Variants in CSMD1 observed in about 807,000 individuals in gnomAD.
CSMD1 encodes the protein CUB and sushi domain-containing protein 1.
A neutral mutation model predicts 417.5 loss-of-function variants in CSMD1; 213 were observed. The ratio of observed to expected loss-of-function variants is 0.51; its 90% CI spans 0.46 to 0.57. The LOEUF (loss-of-function observed/expected upper bound fraction) is 0.57. Ranked by LOEUF, CSMD1 falls within the 20% of genes least tolerant of loss-of-function variation. CSMD1 has a pLI of 0.00. For missense variants in CSMD1, 6,923 were observed against 4,529.7 expected, an observed-to-expected ratio of 1.53 and a Z score of -15.17; for synonymous variants, 2,862 against 1,736.8, an observed-to-expected ratio of 1.65 and a Z score of -16.11.
chr8:4,940,497 C>T (rs1235231131), intron 1 of CSMD1, among the ~76,000 whole-genome samples: 2 of 152,180 alleles, frequency 1.3e-5, no homozygotes, highest in Admixed American at 6.5e-5. Flanking sequence ...ACTTTGTTTG[C>T]TAACCTAGGC....
chr8:4,608,550 C>T (rs930145567), intron 2 of CSMD1, among the ~76,000 whole-genome samples: 1 of 152,172 alleles, frequency 6.6e-6, no homozygotes, highest in Non-Finnish European at 1.5e-5. Flanking sequence ...CTGTCATTAA[C>T]AATTATTCTG....
chr8:4,916,615 G>A (rs186269335), intron 1 of CSMD1, among the ~76,000 whole-genome samples: 2 of 152,118 alleles, frequency 1.3e-5, no homozygotes, highest in East Asian at 3.9e-4. Context: ...TCCTACTTGG[G>A]GAAACTCTGT....
intron 3 of CSMD1, among the ~76,000 whole-genome samples, chr8:4,053,135 G>T (rs914452745): frequency 6.6e-5 from 10 of 152,140 alleles, no homozygotes; most frequent in Non-Finnish European, 1.5e-4. Flanking sequence ...GCTTCTCCAT[G>T]GGTGCAGTGT....
At chr8:3,813,122 G>C (rs1243094470) in intron 5 of CSMD1, among the ~76,000 whole-genome samples, 1 of 139,678 alleles carries the variant, frequency 7.2e-6, no homozygotes, top group Non-Finnish European at 1.5e-5. Flanking sequence ...ACTAGATGAA[G>C]ACTTTCACAT....
intron 7 of CSMD1, among the ~76,000 whole-genome samples, chr8:3,694,869 T>C (rs77405284): frequency 0.013 from 1,988 of 152,076 alleles, 27 homozygotes; most frequent in Non-Finnish European, 0.016. Flanking sequence ...CTAAAGACCA[T>C]AGAAACCTGC....
At chr8:3,885,925 A>G (rs1376335386) in intron 5 of CSMD1, among the ~76,000 whole-genome samples, 1 of 152,192 alleles carries the variant, frequency 6.6e-6, no homozygotes, top group Non-Finnish European at 1.5e-5. Flanking sequence ...GAATAAATAT[A>G]AATTGTTAAA....
rs143064953 is a variant in CSMD1 at position 3,734,128 on chromosome 8, G to C, written c.931+19802C>G. Among the ~76,000 whole-genome samples, 7 of 152,206 alleles carry C rather than the reference G, an allele frequency of 4.6e-5. No homozygotes were observed. The East Asian group carries it at 1.4e-3, about 29-fold the overall frequency. On this transcript the variant is annotated intron_variant, in intron 6 of 69. Transcript: ENST00000635120. The stretch of plus-strand genomic sequence containing the variant: ...ATGTGCTAAATTAATACTTAATAAA[G>C]ATATTTAATTATTTAAGGATACTAC...
intron 1 of CSMD1, among the ~76,000 whole-genome samples, chr8:4,943,953 G>A (rs942246410): frequency 5.9e-5 from 9 of 152,134 alleles, no homozygotes; most frequent in African/African-American, 2.2e-4. Context: ...GACAGAAAAT[G>A]TATTAAGGGA....
At chr8:3,121,050 T>C (rs566385625) in intron 41 of CSMD1, among the ~76,000 whole-genome samples, 1 of 151,948 alleles carries the variant, frequency 6.6e-6, no homozygotes, top group Non-Finnish European at 1.5e-5. Flanking sequence ...TTAAAGATGT[T>C]CATTGCAGCA....
intron 10 of CSMD1, among the ~76,000 whole-genome samples, chr8:3,495,866 G>C (rs1796341970): frequency 6.6e-6 from 1 of 152,090 alleles, no homozygotes; most frequent in South Asian, 2.1e-4. Context: ...AGCTGTCCTG[G>C]AGCTGGATGC....
At chr8:4,425,433 A>C (rs551163977) in intron 2 of CSMD1, among the ~76,000 whole-genome samples, 9 of 151,724 alleles carry the variant, frequency 5.9e-5, no homozygotes, top group Non-Finnish European at 8.8e-5. Context: ...ATGCGGAAGG[A>C]TGAGTGGATC....
At chr8:4,221,054 A>T (rs1220474195) in intron 3 of CSMD1, among the ~76,000 whole-genome samples, 1 of 152,180 alleles carries the variant, frequency 6.6e-6, no homozygotes, top group Non-Finnish European at 1.5e-5. Context: ...CCATGAGCGA[A>T]AAACCCAAAC....
At chr8:4,452,193 T>G (rs1453385230) in intron 2 of CSMD1, among the ~76,000 whole-genome samples, 3 of 152,068 alleles carry the variant, frequency 2.0e-5, no homozygotes, top group Non-Finnish European at 4.4e-5. Context: ...TTAGTGCACG[T>G]TTCTGCTTTT....
intron 68 of CSMD1, among the ~76,000 whole-genome samples, chr8:2,943,230 CT>C (rs56129101): frequency 1.9e-3 from 276 of 144,384 alleles, no homozygotes; most frequent in African/African-American, 4.2e-3. Context: ...ATTAATTTTT[CT>C]TTTTTTTTTT....
At chr8:4,877,296 A>G in intron 1 of CSMD1, among the ~76,000 whole-genome samples, 1 of 152,196 alleles carries the variant, frequency 6.6e-6, no homozygotes, top group Middle Eastern at 3.4e-3. Flanking sequence ...CAGGAAATAT[A>G]AGATTGGCTG....
intron 17 of CSMD1, among the ~76,000 whole-genome samples, chr8:3,391,236 T>A (rs1166466533): frequency 1.3e-5 from 2 of 152,224 alleles, no homozygotes; most frequent in Non-Finnish European, 2.9e-5. Flanking sequence ...ATCACAATGT[T>A]TCTTCCATGA....
Position 3,369,451 on chromosome 8 carries a change from C to G in CSMD1, c.2783-81G>C, listed in dbSNP as rs1585064190. On this transcript the variant is annotated intron_variant, in intron 18 of 69. Transcript: ENST00000635120. ...AACAAAATACTGGTTAAATGGCATG[C>G]AATTTGCACAAGGATTAACAAATTT... is the stretch of plus-strand genomic sequence containing the variant. 2.3e-5 allele frequency: 16 copies of G among 689,022 alleles called. No homozygotes were observed. In the East Asian group the frequency reaches 4.4e-4, roughly 19 times the overall value. 42.7% of individuals were successfully genotyped at this position (689,022 alleles called of 1,614,324 possible).
intron 3 of CSMD1, among the ~76,000 whole-genome samples, chr8:4,204,179 T>C (rs945179369): frequency 6.6e-6 from 1 of 152,120 alleles, no homozygotes; most frequent in African/African-American, 2.4e-5. Flanking sequence ...GCCCATGTGG[T>C]GCTGTGTGCC....
At chr8:4,031,790 T>A in intron 4 of CSMD1, 115 bp downstream of exon 4, 1 of 727,556 alleles carries the variant, frequency 1.4e-6, no homozygotes, top group Non-Finnish European at 2.1e-6. Flanking sequence ...GCTGACATTG[T>A]AAGAGTCAGC....
Sources: gnomAD v4.1 joint callset for allele counts (sites outside exome capture counted in the v4.1 genomes callset) on GRCh38, gnomAD v4.1.1 for gene constraint, MANE v1.5 for transcripts, NCBI Gene and HGNC (gene_info 2026-07-23, HGNC 2026-07-21) for gene names.